The following TAF4B variants were observed in gnomAD, a reference collection of about 807,000 sequenced individuals.
TAF4B encodes transcription initiation factor TFIID subunit 4B.
A neutral mutation model predicts 86.4 loss-of-function variants in TAF4B; 38 were observed. The ratio of observed to expected loss-of-function variants is 0.44; its 90% CI spans 0.34 to 0.58. TAF4B has a LOEUF of 0.58. Among genes scored for constraint, TAF4B ranks in the 20% least tolerant of loss-of-function variants. The pLI, the probability that TAF4B is intolerant of heterozygous loss-of-function variation, is 0.02. For synonymous variants in TAF4B, 388 were observed against 391.2 expected (o/e 0.99, Z 0.10); for missense variants, 988 against 1,027.6 (o/e 0.96, Z 0.53).
chr18:26,386,022 A>T (rs763066375), intron 14 of TAF4B, among the ~76,000 whole-genome samples: 4 of 152,194 alleles, frequency 2.6e-5, no homozygotes, highest in Non-Finnish European at 5.9e-5. Flanking sequence ...CAGATTCAAG[A>T]AAGATTGACT....
Position 26,285,222 on chromosome 18 carries a change from G to GTTTTTTT in TAF4B, c.973-652_973-646dup, listed in dbSNP as rs776976703. 1.3e-4 allele frequency among the ~76,000 whole-genome samples: 6 copies of GTTTTTTT among 45,692 alleles called. 2 individuals are homozygous for GTTTTTTT. Among genetic ancestry groups the GTTTTTTT allele is most frequent in the Admixed American group, 6.2e-4 (2 of 3,232 alleles). The allele number at this position is 45,692 out of a possible 152,430, so 30.0% of individuals were successfully genotyped here. A position where few individuals can be genotyped will look rare whatever the true frequency, so the allele number is the denominator to read the frequency against. On this transcript the variant is annotated intron_variant, in intron 6 of 14. Transcript: ENST00000269142. ...ATTTCTTCCTTTCCTTTTTTTTTTTGTTTTTTTTTTTTTTGGAGATGGGGT... is the reference window on the plus strand; with the variant it reads ...ATTTCTTCCTTTCCTTTTTTTTTTTGTTTTTTTTTTTTTTTTTTTTTGGAGATGGGGT...
intron 10 of TAF4B, among the ~76,000 whole-genome samples, chr18:26,316,400 T>C (rs1265257531): frequency 2.0e-5 from 3 of 151,980 alleles, no homozygotes; most frequent in East Asian, 3.9e-4. Flanking sequence ...CTTTTTTTTT[T>C]CCTCAAGATG....
intron 1 of TAF4B, among the ~76,000 whole-genome samples, chr18:26,237,984 T>G (rs1568094720): frequency 6.6e-6 from 1 of 152,144 alleles, no homozygotes. Context: ...CAACGGTCCG[T>G]GGACCCTGCT....
chr18:26,318,133 A>C (rs542898773), intron 10 of TAF4B, among the ~76,000 whole-genome samples: 2 of 152,290 alleles, frequency 1.3e-5, no homozygotes, highest in African/African-American at 4.8e-5. Flanking sequence ...CCCAGGTTCA[A>C]GTGATCCTCC....
At chr18:26,242,108 G>A (rs1044427834) in intron 1 of TAF4B, among the ~76,000 whole-genome samples, 6 of 152,152 alleles carry the variant, frequency 3.9e-5, no homozygotes. Context: ...GGCCTGCTTG[G>A]TGCAGAGCTG....
intron 13 of TAF4B, among the ~76,000 whole-genome samples, chr18:26,340,388 C>A (rs973046340): frequency 2.8e-4 from 42 of 152,066 alleles, no homozygotes; most frequent in African/African-American, 8.5e-4. Flanking sequence ...TCATGGAGTA[C>A]TGGACAGGGA....
intron 9 of TAF4B, among the ~76,000 whole-genome samples, chr18:26,313,113 TC>T (rs2056869100): frequency 6.6e-6 from 1 of 152,124 alleles, no homozygotes; most frequent in South Asian, 2.1e-4. Flanking sequence ...TCCATGTCAG[TC>T]CAAAGAGAGC....
At position 26,274,778 on chromosome 18, in the gene TAF4B, A is replaced by T. The variant is rs1310257323; in HGVS notation, c.713A>T (p.Asn238Ile). ...GASSTPSNEP[N>I]LKAENSAAVQ... Reference sequence around the variant, plus strand: ...TCATCCACTCCTTCAAATGAGCCCAATCTTAAAGCAGAGAACTCAGCAGCT... The same window carrying T: ...TCATCCACTCCTTCAAATGAGCCCATTCTTAAAGCAGAGAACTCAGCAGCT... The change falls in exon 4 of 15, where the codon AAT (asparagine) becomes ATT (isoleucine). Residue 238 changes from asparagine (N) to isoleucine (I), a missense_variant. Around this residue, in one of 3 missense-constraint regions of TAF4B, gnomAD observed 747 missense variants for 737.9 expected, o/e 1.01. Transcript: ENST00000269142. The T allele has an allele frequency of 6.2e-7, 1 of 1,614,196 alleles. No individual in the cohort carries two copies. The highest frequency in any genetic ancestry group is 2.2e-5 in the East Asian group (1 of 44,878).
At position 26,376,066 on chromosome 18, in the gene TAF4B, A is replaced by G. The variant is rs566666431; in HGVS notation, c.2422-13779A>G. Reference sequence around the variant, plus strand: ...TCGATTCTATTTCATCAATCTATGTATCTGTCCTTACACCAGTACCACACT... The same window carrying G: ...TCGATTCTATTTCATCAATCTATGTGTCTGTCCTTACACCAGTACCACACT... On this transcript the variant is annotated intron_variant, in intron 14 of 14. Transcript: ENST00000269142. Among the ~76,000 whole-genome samples the G allele has an allele frequency of 2.6e-5, 4 of 152,260 alleles. No homozygotes were observed. In the South Asian group the frequency reaches 6.2e-4, roughly 24 times the overall value.
chr18:26,343,539 C>G (rs1182851485), intron 13 of TAF4B, among the ~76,000 whole-genome samples: 2 of 152,192 alleles, frequency 1.3e-5, no homozygotes, highest in African/African-American at 4.8e-5. Flanking sequence ...CACATTGGAA[C>G]CTGTGGCTTG....
chr18:26,377,755 ACTC>A (rs1383952356), intron 14 of TAF4B, among the ~76,000 whole-genome samples: 1 of 151,462 alleles, frequency 6.6e-6, no homozygotes, highest in African/African-American at 2.4e-5. Flanking sequence ...TGGATTTATT[ACTC>A]CTCTCAGTAG....
intron 9 of TAF4B, chr18:26,304,755 A>C (rs1049062951): frequency 1.0e-5 from 10 of 985,050 alleles, no homozygotes; most frequent in Non-Finnish European, 1.2e-5. Context: ...TTTTACTGAC[A>C]CCTTTTTTTT....
At chr18:26,306,195 TGGG>T (rs1402945807) in intron 9 of TAF4B, among the ~76,000 whole-genome samples, 1 of 152,196 alleles carries the variant, frequency 6.6e-6, no homozygotes, top group African/African-American at 2.4e-5. Flanking sequence ...TGTTTAATTT[TGGG>T]GGGTACATAG....
intron 1 of TAF4B, among the ~76,000 whole-genome samples, chr18:26,236,154 A>G (rs2055744777): frequency 6.6e-6 from 1 of 152,240 alleles, no homozygotes; most frequent in South Asian, 2.1e-4. Flanking sequence ...TGCAAATAAT[A>G]ACTCCAGCTT....
intron 10 of TAF4B, among the ~76,000 whole-genome samples, chr18:26,317,587 G>T (rs573917198): frequency 5.3e-5 from 8 of 152,162 alleles, no homozygotes. Context: ...TTGGATTGCT[G>T]TAACAAAATA....
Position 26,269,234 on chromosome 18 carries a change from T to G in TAF4B, c.597+1611T>G, listed in dbSNP as rs1018703574. Reference sequence around the variant, plus strand: ...AACACAAAGTCCTCCAGTGAGTGTTTGTTGTGAGTGATGGTAAGTGGGGGC... The same window carrying G: ...AACACAAAGTCCTCCAGTGAGTGTTGGTTGTGAGTGATGGTAAGTGGGGGC... On this transcript the variant is annotated intron_variant, in intron 3 of 14. Coordinates refer to ENST00000269142, the MANE Select transcript of TAF4B (RefSeq NM_005640.3). Among the ~76,000 whole-genome samples, 19 of 152,228 alleles carry G rather than the reference T, an allele frequency of 1.2e-4. 1 individual carries two copies. Among genetic ancestry groups the G allele is most frequent in the Middle Eastern group, 3.4e-3 (1 of 294 alleles).
chr18:26,331,825 A>G (rs2057052690), intron 12 of TAF4B, among the ~76,000 whole-genome samples: 1 of 152,032 alleles, frequency 6.6e-6, no homozygotes, highest in South Asian at 2.1e-4. Flanking sequence ...CCATTCCTCT[A>G]TTTCTCCTAC....
intron 9 of TAF4B, among the ~76,000 whole-genome samples, chr18:26,312,709 G>A (rs1329223082): frequency 6.6e-6 from 1 of 152,054 alleles, no homozygotes; most frequent in Non-Finnish European, 1.5e-5. Context: ...CAATTTCCAG[G>A]GGCCTGTGTA....
intron 13 of TAF4B, among the ~76,000 whole-genome samples, chr18:26,338,259 G>A (rs936664392): frequency 6.6e-6 from 1 of 151,756 alleles, no homozygotes; most frequent in African/African-American, 2.4e-5. Context: ...ACCAGCCTGG[G>A]CAACATGATG....
Sources: gnomAD v4.1 joint callset for allele counts (sites outside exome capture counted in the v4.1 genomes callset) on GRCh38, gnomAD v4.1.1 for gene constraint, gnomAD v4.1.1 regional missense constraint, MANE v1.5 for transcripts, NCBI Gene and HGNC (gene_info 2026-07-23, HGNC 2026-07-21) for gene names.